The following UQCRC2 variants were observed in gnomAD, a reference collection of about 807,000 sequenced individuals.
The protein encoded by UQCRC2 is ubiquinol-cytochrome c reductase core protein 2.
Under a neutral mutation model 55.6 loss-of-function variants are expected in UQCRC2, and 49 were observed. The ratio of observed to expected loss-of-function variants is 0.88; its 90% confidence interval spans 0.70 to 1.12. The LOEUF (loss-of-function observed/expected upper bound fraction) is 1.12. UQCRC2 is among the 50% of genes most tolerant of loss of function. The probability of loss-of-function intolerance (pLI) is 0.00; values close to 1 mark genes in which losing one functional copy is unlikely to be tolerated. For missense variants in UQCRC2, 506 were observed against 547.8 expected (o/e 0.92, Z 0.76); for synonymous variants, 193 against 192.0 (o/e 1.01, Z -0.04).
At chr16:21,982,824 G>A (rs995776418) in intron 13 of UQCRC2, among the ~76,000 whole-genome samples, 6 of 152,074 alleles carry the variant, frequency 3.9e-5, no homozygotes, top group Admixed American at 3.9e-4. Context: ...AATTAGCTGG[G>A]CATAGTGATA....
intron 1 of UQCRC2, among the ~76,000 whole-genome samples, chr16:21,953,926 C>T (rs768209967): frequency 6.6e-6 from 1 of 152,192 alleles, no homozygotes; most frequent in East Asian, 1.9e-4. Context: ...GTACCTGGAA[C>T]TTCATTGTTA....
rs549111268 is a variant in UQCRC2, at chr16:21,978,995, C to T, written c.1125-1552C>T. On this transcript the variant is annotated intron_variant, in intron 12 of 13. Transcript: ENST00000268379. Reference sequence around the variant, plus strand: ...AAACTCACAGGTAATACAAGTGAAACGATAGCATAAGAAGAAAATAAACAT... The same window carrying T: ...AAACTCACAGGTAATACAAGTGAAATGATAGCATAAGAAGAAAATAAACAT... Among the ~76,000 whole-genome samples the T allele has an allele frequency of 2.4e-4, 36 of 152,194 alleles. No individual in the cohort carries two copies. The South Asian group carries it at 4.4e-3, about 18-fold the overall frequency.
chr16:21,957,296 C>T lies in UQCRC2; in HGVS notation c.95C>T (p.Pro32Leu), dbSNP rs755080798. The T allele has an allele frequency of 3.4e-5, 55 of 1,613,866 alleles. No homozygotes were observed. Among genetic ancestry groups the T allele is most frequent in the Non-Finnish European group, 4.2e-5 (49 of 1,179,990 alleles). ...GCCACAGCTGCGCCTGCAGGAGCAC[C>T]GCCACAACCTCAGGACCTTGAGGTT... ...VKATAAPAGA[P>L]PQPQDLEFTK... Residue 32 changes from proline to leucine, a missense_variant, in exon 2 of 14, where the codon CCG becomes CTG. Physicochemically the swap from Pro to Leu is moderately conservative, Grantham distance 98. Transcript: ENST00000268379.
intron 10 of UQCRC2, 75 bp from the exon 11 acceptor site, chr16:21,973,821 C>T: frequency 7.0e-7 from 1 of 1,419,774 alleles, no homozygotes; most frequent in East Asian, 2.3e-5. Flanking sequence ...CAAGTTTTTT[C>T]TAGGCAAACT....
intron 4 of UQCRC2, among the ~76,000 whole-genome samples, chr16:21,960,824 C>CT (rs991201961): frequency 4.0e-5 from 6 of 151,214 alleles, no homozygotes; most frequent in African/African-American, 7.3e-5. Context: ...AACAGCATTT[C>CT]TTTTTTTTTA....
chr16:21,973,933 T>C lies in UQCRC2; in HGVS notation c.1004T>C (p.Leu335Pro), dbSNP rs939398936. Reference protein sequence around the residue: ...AFNASYSDSGLFGIYTISQAT... With the variant: ...AFNASYSDSGPFGIYTISQAT... ...AATGCCAGTTACTCAGATTCTGGAC[T>C]CTTTGGGATTTATACTATCTCCCAG... is the stretch of plus-strand genomic sequence containing the variant. Residue 335 changes from leucine to proline, a missense_variant, in exon 11 of 14, where the codon CTC (leucine) becomes CCC (proline). Leu to Pro is a moderately conservative substitution (Grantham distance 98). Transcript: ENST00000268379. 6.2e-7 allele frequency: 1 copy of C among 1,612,910 alleles called. No individual in the cohort carries two copies. The highest frequency in any genetic ancestry group is 8.5e-7 in the Non-Finnish European group (1 of 1,179,632).
intron 4 of UQCRC2, 21 bp from the exon 5 acceptor site, chr16:21,962,439 C>T (rs759885865): frequency 1.9e-6 from 3 of 1,613,792 alleles, no homozygotes; most frequent in Non-Finnish European, 2.5e-6. Context: ...ATGATTTACT[C>T]TAGTTTATTT....
intron 13 of UQCRC2, among the ~76,000 whole-genome samples, chr16:21,982,526 T>C (rs1317882355): frequency 6.6e-6 from 1 of 152,240 alleles, no homozygotes; most frequent in African/African-American, 2.4e-5. Context: ...CTCTTACCAG[T>C]GTTGCTCTTG....
chr16:21,958,420 C>A, intron 3 of UQCRC2, 115 bp from the exon 4 acceptor site: 1 of 887,378 alleles, frequency 1.1e-6, no homozygotes, highest in Non-Finnish European at 1.8e-6. Context: ...AAAAAGGATG[C>A]AGGAATTTAG....
At chr16:21,962,958 A>G (rs548996223) in intron 6 of UQCRC2, 73 bp downstream of exon 6, 2 of 1,508,300 alleles carry the variant, frequency 1.3e-6, no homozygotes, top group South Asian at 2.6e-5. Context: ...TAGAAGAAAA[A>G]AAATTGCTGT....
chr16:21,980,310 G>T, intron 12 of UQCRC2: 1 of 456,282 alleles, frequency 2.2e-6, no homozygotes, highest in Non-Finnish European at 3.9e-6. Flanking sequence ...AGGCCAAAGT[G>T]GGCCCTCAAT....
chr16:21,970,306 T>C (rs910920675), intron 8 of UQCRC2, among the ~76,000 whole-genome samples: 7 of 152,210 alleles, frequency 4.6e-5, no homozygotes, highest in African/African-American at 1.7e-4. Flanking sequence ...TTTGGTTATG[T>C]CTAAGAACAG....
At chr16:21,969,487 G>A (rs1390114230) in intron 8 of UQCRC2, among the ~76,000 whole-genome samples, 4 of 152,114 alleles carry the variant, frequency 2.6e-5, no homozygotes, top group East Asian at 1.9e-4. Context: ...AGCTGAGATC[G>A]TGCCACTGCA....
chr16:21,975,576 C>T (rs553182101), intron 11 of UQCRC2, among the ~76,000 whole-genome samples: 2 of 152,270 alleles, frequency 1.3e-5, no homozygotes, highest in Admixed American at 1.3e-4. Context: ...GTACCCACAT[C>T]CCCGGAACTT....
chr16:21,976,236 G>T lies in UQCRC2; in HGVS notation c.1117G>T (p.Ala373Ser). Residue 373 changes from alanine to serine, a missense_variant, in exon 12 of 14, where the codon GCT becomes TCT. Ala to Ser is a moderately conservative substitution (Grantham distance 99). Coordinates refer to ENST00000268379, the MANE Select transcript of UQCRC2 (RefSeq NM_003366.4). ...AAACCTTTCCAACACAGATGTCCAAGCTGCCAAGTAAGTCTCAGTATTAAC... is the reference window on the plus strand; with the variant it reads ...AAACCTTTCCAACACAGATGTCCAATCTGCCAAGTAAGTCTCAGTATTAAC... ...QGNLSNTDVQ[A>S]AKNKLKAGYL... 5.0e-6 allele frequency: 8 copies of T among 1,613,042 alleles called. No individual in the cohort carries two copies. The highest frequency in any genetic ancestry group is 6.8e-6 in the Non-Finnish European group (8 of 1,179,046).
intron 12 of UQCRC2, among the ~76,000 whole-genome samples, chr16:21,979,137 C>T (rs1456337889): frequency 6.6e-6 from 1 of 152,130 alleles, no homozygotes. Flanking sequence ...AACACTGTGA[C>T]CCCAGCTGTG....
intron 1 of UQCRC2, among the ~76,000 whole-genome samples, chr16:21,956,319 G>A (rs2141925226): frequency 6.6e-6 from 1 of 152,232 alleles, no homozygotes; most frequent in African/African-American, 2.4e-5. Context: ...CGAGGCGGGT[G>A]GATTGCCTGA....
chr16:21,978,495 C>G (rs1898638084), intron 12 of UQCRC2, among the ~76,000 whole-genome samples: 1 of 152,166 alleles, frequency 6.6e-6, no homozygotes, highest in East Asian at 1.9e-4. Context: ...CCGTTGCTTA[C>G]AAGACCTGTA....
Position 21,976,148 on chromosome 16 carries a change from C to G in UQCRC2, c.1048-19C>G. On this transcript the variant is annotated intron_variant, in intron 11 of 13. Coordinates refer to ENST00000268379, the MANE Select transcript of UQCRC2 (RefSeq NM_003366.4). ...TCTGGTACTGACCACAGATGACCAACTTTTCTTATCTGTCCTAGGTTATCA... is the reference window on the plus strand; with the variant it reads ...TCTGGTACTGACCACAGATGACCAAGTTTTCTTATCTGTCCTAGGTTATCA... 1 of 1,607,318 alleles carries G rather than the reference C, an allele frequency of 6.2e-7. No homozygotes were observed. Among genetic ancestry groups the G allele is most frequent in the Non-Finnish European group, 8.5e-7 (1 of 1,174,156 alleles).
Sources: gnomAD v4.1 joint callset for allele counts (sites outside exome capture counted in the v4.1 genomes callset) on GRCh38, gnomAD v4.1.1 for gene constraint, MANE v1.5 for transcripts, NCBI Gene and HGNC (gene_info 2026-07-23, HGNC 2026-07-21) for gene names.